Variants in SLC16A9 observed in about 807,000 individuals in gnomAD.
The protein encoded by SLC16A9 is solute carrier family 16 member 9, also known as monocarboxylate transporter 9.
A neutral mutation model predicts 44.3 loss-of-function variants in SLC16A9; 26 were observed. The observed-to-expected ratio is 0.59, with a 90% CI of 0.43 to 0.81. SLC16A9 has a LOEUF of 0.81. Ranked by LOEUF, SLC16A9 falls within the 40% of genes least tolerant of loss-of-function variation. The pLI is 0.00. For synonymous variants in SLC16A9, 230 were observed against 225.1 expected (o/e 1.02, Z -0.19); for missense variants, 559 against 595.8 (o/e 0.94, Z 0.64).
chr10:59,699,201 A>G (rs1394913744), intron 1 of SLC16A9, among the ~76,000 whole-genome samples: 1 of 152,244 alleles, frequency 6.6e-6, no homozygotes, highest in Non-Finnish European at 1.5e-5. Flanking sequence ...GATAATTATA[A>G]GGCTGTCAGG....
chr10:59,674,139 A>G (rs1191650006), intron 2 of SLC16A9, among the ~76,000 whole-genome samples: 1 of 152,156 alleles, frequency 6.6e-6, no homozygotes, highest in African/African-American at 2.4e-5. Context: ...GCATTCATCA[A>G]GCTATACTGT....
At chr10:59,678,554 T>TTTTTTTTTTTTTTTTTTTTA (rs71006281) in intron 2 of SLC16A9, among the ~76,000 whole-genome samples, 1 of 68,862 alleles carries the variant, frequency 1.5e-5, no homozygotes, top group African/African-American at 4.4e-5. Flanking sequence ...TTCTTTTTTT[T>TTTTTTTTTTTTTTTTTTTTA]GAGACGGAGT....
chr10:59,658,945 C>G (rs1394737036), intron 4 of SLC16A9, among the ~76,000 whole-genome samples: 1 of 152,140 alleles, frequency 6.6e-6, no homozygotes, highest in African/African-American at 2.4e-5. Flanking sequence ...TTCAGGCTAT[C>G]TAAAAGCCTG....
intron 2 of SLC16A9, among the ~76,000 whole-genome samples, chr10:59,677,220 C>T (rs898345847): frequency 1.3e-5 from 2 of 151,746 alleles, no homozygotes; most frequent in Admixed American, 6.6e-5. Flanking sequence ...GCCACTATTG[C>T]CTCAGCCTCC....
intron 2 of SLC16A9, among the ~76,000 whole-genome samples, chr10:59,678,540 C>CTTTTTTTTTTTTT (rs1426559419): frequency 1.8e-4 from 4 of 22,328 alleles, no homozygotes; most frequent in African/African-American, 3.9e-4. Flanking sequence ...TTTTCTTTTT[C>CTTTTTTTTTTTTT]TTTTTCTTTT....
chr10:59,679,480 G>A (rs1352939299), intron 2 of SLC16A9, among the ~76,000 whole-genome samples: 1 of 152,214 alleles, frequency 6.6e-6, no homozygotes, highest in Admixed American at 6.5e-5. Flanking sequence ...GGAAGGGCAT[G>A]TTGGAACTCT....
At chr10:59,659,966 CA>C (rs1296966729) in intron 4 of SLC16A9, among the ~76,000 whole-genome samples, 4 of 152,126 alleles carry the variant, frequency 2.6e-5, no homozygotes, top group African/African-American at 9.7e-5. Context: ...AACAAAGACA[CA>C]ATGTACCAGA....
intron 4 of SLC16A9, among the ~76,000 whole-genome samples, chr10:59,654,895 T>C (rs371057348): frequency 1.1e-4 from 17 of 152,250 alleles, no homozygotes; most frequent in African/African-American, 3.6e-4. Context: ...TGAAGTGACC[T>C]AGGGCTGGAA....
intron 1 of SLC16A9, among the ~76,000 whole-genome samples, chr10:59,697,976 AAAAAC>A (rs1178970746): frequency 1.5e-4 from 23 of 150,208 alleles, no homozygotes; most frequent in Non-Finnish European, 2.8e-4. Context: ...AAAAAAAACA[AAAAAC>A]AAAACAAAAC....
chr10:59,691,241 C>A (rs953866559), intron 1 of SLC16A9, among the ~76,000 whole-genome samples: 1 of 152,138 alleles, frequency 6.6e-6, no homozygotes, highest in Non-Finnish European at 1.5e-5. Flanking sequence ...TATTGTACTA[C>A]ATTCTAGTAA....
intron 1 of SLC16A9, among the ~76,000 whole-genome samples, chr10:59,702,914 A>G (rs995176087): frequency 1.3e-5 from 2 of 152,238 alleles, no homozygotes; most frequent in African/African-American, 4.8e-5. Context: ...TTGCCAGGTT[A>G]AAGACAATGA....
chr10:59,662,480 C>A (rs1839498857), intron 4 of SLC16A9, among the ~76,000 whole-genome samples: 1 of 151,066 alleles, frequency 6.6e-6, no homozygotes, highest in Non-Finnish European at 1.5e-5. Context: ...ACTAAAAATA[C>A]AAAAATTAGC....
chr10:59,676,823 T>C lies in SLC16A9; in HGVS notation c.197-3910A>G, dbSNP rs898377233. 6.0e-5 allele frequency among the ~76,000 whole-genome samples: 9 copies of C among 150,574 alleles called. No homozygotes were observed. The Admixed American group carries it at 6.0e-4, about 10-fold the overall frequency. On this transcript the variant is annotated intron_variant, in intron 2 of 5. Transcript: ENST00000395348. ...CTGTAATCCCAGCTACTCGGTAGGC[T>C]GAGGCAGGAGAATTGCATGAACCGG...
chr10:59,676,980 A>G (rs1336224983), intron 2 of SLC16A9, among the ~76,000 whole-genome samples: 1 of 137,906 alleles, frequency 7.3e-6, no homozygotes, highest in Non-Finnish European at 1.7e-5. Flanking sequence ...TAATTAGAGA[A>G]GAAGAAATGT....
intron 5 of SLC16A9, among the ~76,000 whole-genome samples, chr10:59,653,210 G>C (rs11815866): frequency 0.026 from 3,866 of 150,680 alleles, 168 homozygotes; most frequent in African/African-American, 0.089. Flanking sequence ...ACGAGGTCAG[G>C]AGATGGAGAC....
intron 1 of SLC16A9, among the ~76,000 whole-genome samples, chr10:59,692,796 G>C (rs1449299796): frequency 6.6e-6 from 1 of 152,160 alleles, no homozygotes; most frequent in Non-Finnish European, 1.5e-5. Context: ...CCTGGGAATT[G>C]AGAAATAATT....
rs533407625 is a variant in SLC16A9 at position 59,690,958 on chromosome 10, G to A, written c.-36-6631C>T. The stretch of plus-strand genomic sequence containing the variant: ...AAATTATCTGGGCATGGTGGCACGC[G>A]CCTGTAATCCCAGCTACTCAGGAGG... On this transcript the variant is annotated intron_variant, in intron 1 of 5. Transcript: ENST00000395348. Among the ~76,000 whole-genome samples the A allele has an allele frequency of 3.5e-3, 534 of 152,174 alleles. 2 individuals are homozygous for A. The highest frequency in any genetic ancestry group is 4.9e-3 in the Non-Finnish European group (335 of 68,004).
intron 1 of SLC16A9, among the ~76,000 whole-genome samples, chr10:59,695,718 G>A (rs1435789448): frequency 2.0e-5 from 3 of 152,142 alleles, no homozygotes; most frequent in Non-Finnish European, 2.9e-5. Context: ...AGGAGCAACA[G>A]AGCAAAGCTT....
intron 1 of SLC16A9, among the ~76,000 whole-genome samples, chr10:59,704,884 C>G (rs1185889435): frequency 6.6e-6 from 1 of 152,194 alleles, no homozygotes; most frequent in East Asian, 1.9e-4. Context: ...TAAATACATA[C>G]TTTAGTATGT....
Sources: gnomAD v4.1 joint callset for allele counts (sites outside exome capture counted in the v4.1 genomes callset) on GRCh38, gnomAD v4.1.1 for gene constraint, MANE v1.5 for transcripts, NCBI Gene and HGNC (gene_info 2026-07-23, HGNC 2026-07-21) for gene names.